The following GFRA1 variants were observed in gnomAD, a reference collection of about 807,000 sequenced individuals.
GFRA1 encodes GDNF family receptor alpha 1, also known as GDNF family receptor alpha-1.
Under a neutral mutation model 51.6 loss-of-function variants are expected in GFRA1, and 16 were observed. The ratio of observed to expected loss-of-function variants is 0.31; its 90% CI spans 0.21 to 0.47. GFRA1 has a LOEUF of 0.47. GFRA1 is among the 20% of genes least tolerant of loss of function. The probability of loss-of-function intolerance (pLI) is 1.00; values close to 1 mark genes in which losing one functional copy is unlikely to be tolerated. For missense variants in GFRA1, 530 were observed against 594.3 expected, an observed-to-expected ratio of 0.89 and a Z score of 1.13; for synonymous variants, 270 against 241.3, an observed-to-expected ratio of 1.12 and a Z score of -1.10.
At chr10:116,227,524 G>A (rs1257164381) in intron 4 of GFRA1, among the ~76,000 whole-genome samples, 1 of 152,164 alleles carries the variant, frequency 6.6e-6, no homozygotes, top group Non-Finnish European at 1.5e-5. Flanking sequence ...ATTCCCTGCT[G>A]GGTGCTGTGG....
intron 7 of GFRA1, among the ~76,000 whole-genome samples, chr10:116,095,478 C>T (rs1477393159): frequency 3.3e-5 from 5 of 152,216 alleles, no homozygotes; most frequent in Admixed American, 6.5e-5. Context: ...TTAACTTACT[C>T]GGGAAAAGGA....
At chr10:116,216,774 G>C (rs904378840) in intron 4 of GFRA1, among the ~76,000 whole-genome samples, 3 of 152,114 alleles carry the variant, frequency 2.0e-5, no homozygotes. Context: ...TCTCTTTCAA[G>C]TACAAGTGCT....
rs184877559 is a variant in GFRA1, at chr10:116,153,077, T to A, written c.434-27520A>T. Among the ~76,000 whole-genome samples the A allele has an allele frequency of 2.2e-4, 34 of 152,186 alleles. No individual in the cohort carries two copies. The East Asian group carries it at 6.6e-3, about 29-fold the overall frequency. On this transcript the variant is annotated intron_variant, in intron 5 of 10. Coordinates refer to ENST00000355422, the MANE Select transcript of GFRA1 (RefSeq NM_005264.8). ...ATTCATCCATCCAACAAATAAAAAC[T>A]CCGAGGGGGCCTCCTTATTGTCCCA...
At chr10:116,075,649 TA>T (rs1460334685) in intron 9 of GFRA1, among the ~76,000 whole-genome samples, 1 of 151,674 alleles carries the variant, frequency 6.6e-6, no homozygotes, top group Non-Finnish European at 1.5e-5. Flanking sequence ...CTCCTTTTCT[TA>T]AAAAAAAATC....
At chr10:116,080,462 C>T (rs1458041874) in intron 9 of GFRA1, among the ~76,000 whole-genome samples, 1 of 152,024 alleles carries the variant, frequency 6.6e-6, no homozygotes, top group Non-Finnish European at 1.5e-5. Context: ...ACTTGTGTAA[C>T]CAAATATGAC....
At chr10:116,164,537 T>C (rs1015666232) in intron 5 of GFRA1, among the ~76,000 whole-genome samples, 1 of 152,156 alleles carries the variant, frequency 6.6e-6, no homozygotes, top group African/African-American at 2.4e-5. Flanking sequence ...TCAGTTAAAT[T>C]AATGCCCAAG....
intron 9 of GFRA1, among the ~76,000 whole-genome samples, chr10:116,088,348 G>A (rs1411691215): frequency 6.6e-6 from 1 of 152,162 alleles, no homozygotes; most frequent in Non-Finnish European, 1.5e-5. Context: ...CGACAGCACA[G>A]TGCTTGGCAC....
At chr10:116,122,137 A>C (rs1231819170) in intron 6 of GFRA1, among the ~76,000 whole-genome samples, 1 of 152,074 alleles carries the variant, frequency 6.6e-6, no homozygotes, top group African/African-American at 2.4e-5. Flanking sequence ...AGTGTATAAA[A>C]CCCATCAATC....
Position 116,096,426 on chromosome 10 carries a change from G to A in GFRA1, c.880+229C>T, listed in dbSNP as rs536638735. Among the ~76,000 whole-genome samples, 31 of 151,888 alleles carry A rather than the reference G, an allele frequency of 2.0e-4. No homozygotes were observed. In the South Asian group the frequency reaches 6.2e-3, roughly 31 times the overall value. On this transcript the variant is annotated intron_variant, in intron 7 of 10. Transcript: ENST00000355422. ...GCACTTGCAGCCTCCCCACTCCTTA[G>A]TAATCCCCGCTTCCTGCCTCTGCCT...
In GFRA1 at chr10:116,063,435, C is replaced by T. The variant is rs890398223; in HGVS notation, c.*963G>A. On this transcript the variant is annotated 3_prime_UTR_variant, in exon 11 of 11. Coordinates refer to ENST00000355422, the MANE Select transcript of GFRA1 (RefSeq NM_005264.8). ...TGTGAAGTTCATATCAGAGCGAACACTACTTATGAGGGGAAAGAAGCTCTG... is the reference window on the plus strand; with the variant it reads ...TGTGAAGTTCATATCAGAGCGAACATTACTTATGAGGGGAAAGAAGCTCTG... 1.3e-5 allele frequency: 2 copies of T among 152,218 alleles called. No individual in the cohort carries two copies. The highest frequency in any genetic ancestry group is 2.9e-5 in the Non-Finnish European group (2 of 68,044). 9.4% of individuals were successfully genotyped at this position (152,218 alleles called of 1,614,324 possible).
chr10:116,200,760 C>T (rs572141917), intron 5 of GFRA1, among the ~76,000 whole-genome samples: 1 of 152,294 alleles, frequency 6.6e-6, no homozygotes, highest in East Asian at 1.9e-4. Flanking sequence ...GAGAGCTCTA[C>T]CCTATGACCT....
At chr10:116,236,838 A>G (rs540200163) in intron 4 of GFRA1, among the ~76,000 whole-genome samples, 1 of 152,308 alleles carries the variant, frequency 6.6e-6, no homozygotes, top group African/African-American at 2.4e-5. Flanking sequence ...TGTCTTCTCC[A>G]CTAAACAGGA....
intron 4 of GFRA1, among the ~76,000 whole-genome samples, chr10:116,219,940 T>A (rs1318677609): frequency 6.6e-6 from 1 of 152,168 alleles, no homozygotes; most frequent in East Asian, 1.9e-4. Context: ...TTCCCTGGGA[T>A]TCCGTTCTTC....
rs1955232736 is a variant in GFRA1, at chr10:116,068,747, G to A, written c.1198-3121C>T. Reference sequence around the variant, plus strand: ...CACATTTTAAAGGCTTTTATCCCAAGCATTTCTGAAAACATCATCAAGCTA... The same window carrying A: ...CACATTTTAAAGGCTTTTATCCCAAACATTTCTGAAAACATCATCAAGCTA... On this transcript the variant is annotated intron_variant, in intron 9 of 10. Coordinates refer to ENST00000355422, the MANE Select transcript of GFRA1 (RefSeq NM_005264.8). Among the ~76,000 whole-genome samples, 3 of 152,192 alleles carry A rather than the reference G, an allele frequency of 2.0e-5. No homozygotes were observed. In the South Asian group the frequency reaches 6.2e-4, roughly 32 times the overall value.
intron 5 of GFRA1, among the ~76,000 whole-genome samples, chr10:116,163,920 C>T (rs1414473400): frequency 6.6e-6 from 1 of 152,198 alleles, no homozygotes; most frequent in African/African-American, 2.4e-5. Flanking sequence ...ACATGGGATG[C>T]CACCAGATCT....
Position 116,265,954 on chromosome 10 carries a change from C to T in GFRA1, c.418+3549G>A, listed in dbSNP as rs544595932. Among the ~76,000 whole-genome samples the T allele has an allele frequency of 5.9e-5, 9 of 152,308 alleles. No individual in the cohort carries two copies. In the East Asian group the frequency reaches 1.7e-3, roughly 29 times the overall value. ...GGTTTCTGGAAAGCAGCCCTCCACCCTCCCTCTGCAGTTCTCTCCTGACTT... is the reference window on the plus strand; with the variant it reads ...GGTTTCTGGAAAGCAGCCCTCCACCTTCCCTCTGCAGTTCTCTCCTGACTT... On this transcript the variant is annotated intron_variant, in intron 4 of 10. Coordinates refer to ENST00000355422, the MANE Select transcript of GFRA1 (RefSeq NM_005264.8).
At chr10:116,088,079 G>C (rs1347912393) in intron 9 of GFRA1, among the ~76,000 whole-genome samples, 1 of 152,142 alleles carries the variant, frequency 6.6e-6, no homozygotes, top group Non-Finnish European at 1.5e-5. Flanking sequence ...TCTGAAGACT[G>C]TGTGTCTGGG....
At chr10:116,171,242 T>C (rs747792644) in intron 5 of GFRA1, among the ~76,000 whole-genome samples, 36 of 152,214 alleles carry the variant, frequency 2.4e-4, no homozygotes, top group African/African-American at 6.5e-4. Context: ...GGGTTAATTA[T>C]GCATTTATTT....
intron 4 of GFRA1, among the ~76,000 whole-genome samples, chr10:116,250,385 T>C (rs1968232217): frequency 6.6e-6 from 1 of 152,158 alleles, no homozygotes; most frequent in Non-Finnish European, 1.5e-5. Flanking sequence ...ATTCTGGTCT[T>C]TAATTCTGTT....
Sources: allele counts gnomAD v4.1 joint callset (sites outside exome capture counted in the v4.1 genomes callset), GRCh38; gene constraint gnomAD v4.1.1; transcripts MANE v1.5; gene names NCBI Gene and HGNC (gene_info 2026-07-23, HGNC 2026-07-21).